KPNA7: variants seen among roughly 807,000 people sequenced by gnomAD.
KPNA7 encodes the protein importin subunit alpha-8.
A neutral mutation model predicts 53.7 loss-of-function variants in KPNA7; 54 were observed. The observed-to-expected ratio is 1.01, with a 90% confidence interval of 0.81 to 1.26. KPNA7 has a LOEUF of 1.26. KPNA7 is among the 50% of genes most tolerant of loss of function. KPNA7 has a pLI of 0.00. For missense variants in KPNA7, 640 were observed against 644.5 expected (o/e 0.99, Z 0.07); for synonymous variants, 276 against 259.3 (o/e 1.06, Z -0.62).
At chr7:99,159,224 T>A in the KPNA7 span, among the ~76,000 whole-genome samples, 3 of 151,962 alleles carry the variant, frequency 2.0e-5, no homozygotes, top group South Asian at 6.2e-4. Context: ...AGTGCATGCC[T>A]GTAGTCCCAG....
intron 10 of KPNA7, among the ~76,000 whole-genome samples, 172 bp downstream of exon 10, chr7:99,177,748 C>T (rs191725581): frequency 6.6e-5 from 10 of 151,988 alleles, no homozygotes; most frequent in African/African-American, 2.2e-4. Context: ...AAAGATGACC[C>T]GATACAGCAG....
Position 99,189,272 on chromosome 7 carries a change from T to C in KPNA7, c.637-709A>G, listed in dbSNP as rs554766651. 7.6e-4 allele frequency among the ~76,000 whole-genome samples: 116 copies of C among 152,202 alleles called. 1 individual carries two copies. Among genetic ancestry groups the C allele is most frequent in the African/African-American group, 2.7e-3 (111 of 41,526 alleles). Reference sequence around the variant, plus strand: ...CTTCCTACTCTGCCTCTGGATCCCATCCCTTTTGGCCTTTTATTATTAGTT... The same window carrying C: ...CTTCCTACTCTGCCTCTGGATCCCACCCCTTTTGGCCTTTTATTATTAGTT... On this transcript the variant is annotated intron_variant, in intron 6 of 10. Transcript: ENST00000327442.
chr7:99,169,291 C>A (rs563272468), downstream of KPNA7, among the ~76,000 whole-genome samples: 1 of 152,092 alleles, frequency 6.6e-6, no homozygotes, highest in African/African-American at 2.4e-5. Context: ...TCTGAGGGAG[C>A]AAAACTGAGA....
chr7:99,207,611 AGCTTTT>A, intron 1 of KPNA7, 122 bp from the exon 2 acceptor site: 1 of 166,258 alleles, frequency 6.0e-6, no homozygotes, highest in Non-Finnish European at 1.1e-5. Flanking sequence ...CCAGGAAGCT[AGCTTTT>A]TTTTTTTTTT....
chr7:99,190,061 G>A (rs1191892107), intron 6 of KPNA7, among the ~76,000 whole-genome samples: 1 of 152,042 alleles, frequency 6.6e-6, no homozygotes, highest in Non-Finnish European at 1.5e-5. Context: ...GCTCTCGGCT[G>A]GGCGTGGTGG....
chr7:99,164,767 G>A, the KPNA7 span, among the ~76,000 whole-genome samples: 1 of 152,154 alleles, frequency 6.6e-6, no homozygotes, highest in African/African-American at 2.4e-5. Flanking sequence ...AAAGACACAT[G>A]AGCTATTTCT....
At chr7:99,206,010 T>G (rs1790793984) in intron 2 of KPNA7, among the ~76,000 whole-genome samples, 1 of 152,140 alleles carries the variant, frequency 6.6e-6, no homozygotes, top group African/African-American at 2.4e-5. Context: ...ACTTCTCAGT[T>G]CCAAGTCCTA....
the KPNA7 span, among the ~76,000 whole-genome samples, chr7:99,155,465 T>C: frequency 6.6e-6 from 1 of 152,228 alleles, no homozygotes; most frequent in Admixed American, 6.5e-5. Context: ...CACATTTCAG[T>C]TGGCTATGTT....
chr7:99,195,463 C>CA, intron 4 of KPNA7, 125 bp from the exon 5 acceptor site: 5 of 878,320 alleles, frequency 5.7e-6, no homozygotes, highest in Non-Finnish European at 8.6e-6. Flanking sequence ...CCAAGGCGGG[C>CA]AGATCACTTG....
At chr7:99,181,555 GGTTTT>G (rs1345643676) in intron 9 of KPNA7, among the ~76,000 whole-genome samples, 2 of 152,116 alleles carry the variant, frequency 1.3e-5, no homozygotes, top group Non-Finnish European at 2.9e-5. Flanking sequence ...ATCCAACTTG[GGTTTT>G]GTTTTGAGAC....
At chr7:99,207,354 A>G in intron 2 of KPNA7, 47 bp downstream of exon 2, 1 of 1,506,588 alleles carries the variant, frequency 6.6e-7, no homozygotes, top group Non-Finnish European at 9.0e-7. Context: ...CTTTTTATGC[A>G]GATTGCACTG....
At chr7:99,185,268 ATGGTTGTCTGACAGCC>A (rs1789522263) in intron 7 of KPNA7, 106 bp from the exon 8 acceptor site, 2 of 762,802 alleles carry the variant, frequency 2.6e-6, no homozygotes, top group African/African-American at 3.5e-5. Context: ...GCTATAGCCG[ATGGTTGTCTGACAGCC>A]TGTGAACAGG....
At chr7:99,202,527 A>G (rs1387753921) in intron 3 of KPNA7, among the ~76,000 whole-genome samples, 2 of 152,092 alleles carry the variant, frequency 1.3e-5, no homozygotes, top group African/African-American at 2.4e-5. Context: ...GCTTAGGGAT[A>G]GCAAGTAAAT....
chr7:99,169,258 C>G (rs964365128), downstream of KPNA7, among the ~76,000 whole-genome samples: 1 of 152,162 alleles, frequency 6.6e-6, no homozygotes, highest in Non-Finnish European at 1.5e-5. Flanking sequence ...GGTGTAAGGA[C>G]TCTGGACTTG....
rs538799791 is a variant in KPNA7, at chr7:99,178,218, G to A, written c.1318-152C>T. On this transcript the variant is annotated intron_variant, in intron 9 of 10. Transcript: ENST00000327442. ...GTTGCAATTTCACTTTTCCCAAATT[G>A]GTTGAAAATTACATGATCTTCCTCC... Among the ~76,000 whole-genome samples, 16 of 152,174 alleles carry A rather than the reference G, an allele frequency of 1.1e-4. No homozygotes were observed. In the East Asian group the frequency reaches 2.1e-3, roughly 20 times the overall value.
chr7:99,168,434 T>C, the KPNA7 span, among the ~76,000 whole-genome samples: 1 of 152,176 alleles, frequency 6.6e-6, no homozygotes, highest in African/African-American at 2.4e-5. Flanking sequence ...ACAAAACATG[T>C]GCTTCCAGAC....
At chr7:99,183,701 C>T (rs1789410457) in intron 8 of KPNA7, among the ~76,000 whole-genome samples, 2 of 152,122 alleles carry the variant, frequency 1.3e-5, no homozygotes, top group Admixed American at 6.6e-5. Flanking sequence ...ACTCCACCTG[C>T]CTCCCCACCC....
At chr7:99,202,681 T>TA (rs1790604023) in intron 3 of KPNA7, among the ~76,000 whole-genome samples, 1 of 151,662 alleles carries the variant, frequency 6.6e-6, no homozygotes, top group African/African-American at 2.4e-5. Flanking sequence ...CCTGTCTCTA[T>TA]AAAAAAATAA....
At chr7:99,205,531 A>G (rs546105477) in intron 2 of KPNA7, among the ~76,000 whole-genome samples, 40 of 151,812 alleles carry the variant, frequency 2.6e-4, no homozygotes, top group Middle Eastern at 3.4e-3. Flanking sequence ...AGGTGGAGCT[A>G]AACTTATACG....
Sources: gnomAD v4.1 joint callset for allele counts (sites outside exome capture counted in the v4.1 genomes callset) on GRCh38, gnomAD v4.1.1 for gene constraint, MANE v1.5 for transcripts, NCBI Gene and HGNC (gene_info 2026-07-23, HGNC 2026-07-21) for gene names.